Variants in CCDC85A observed in about 807,000 individuals in gnomAD.
CCDC85A encodes the protein coiled-coil domain-containing protein 85A.
Under a neutral mutation model 50.2 loss-of-function variants are expected in CCDC85A, and 38 were observed. That is an observed-to-expected ratio of 0.76 (90% confidence interval 0.58 to 0.99). The LOEUF (loss-of-function observed/expected upper bound fraction) is 0.99. Among genes scored for constraint, CCDC85A ranks in the 50% least tolerant of loss-of-function variants. CCDC85A has a pLI of 0.00. For missense variants in CCDC85A, 820 were observed against 742.0 expected, an observed-to-expected ratio of 1.11 and a Z score of -1.22; for synonymous variants, 366 against 301.4, an observed-to-expected ratio of 1.21 and a Z score of -2.22.
chr2:56,285,430 C>T (rs572921946), intron 2 of CCDC85A, among the ~76,000 whole-genome samples: 13 of 144,342 alleles, frequency 9.0e-5, no homozygotes, highest in African/African-American at 1.8e-4. Flanking sequence ...ATGTTCTTAT[C>T]GATTAATTAT....
At chr2:56,193,676 G>A (rs1345951008) in intron 2 of CCDC85A, among the ~76,000 whole-genome samples, 1 of 152,128 alleles carries the variant, frequency 6.6e-6, no homozygotes, top group African/African-American at 2.4e-5. Flanking sequence ...GTTTATGGGA[G>A]GGAGAGGAAC....
intron 2 of CCDC85A, among the ~76,000 whole-genome samples, chr2:56,242,848 G>T (rs7588401): frequency 0.57 from 85,735 of 151,714 alleles, 24,703 homozygotes; most frequent in African/African-American, 0.66. Flanking sequence ...CAGTCCAGTG[G>T]CCTGGAGAAT....
chr2:56,358,242 A>G (rs1280253667), intron 3 of CCDC85A, among the ~76,000 whole-genome samples: 2 of 152,198 alleles, frequency 1.3e-5, no homozygotes, highest in Non-Finnish European at 2.9e-5. Flanking sequence ...TTTAGTTTCT[A>G]GTCCATCTGT....
At chr2:56,311,848 A>T (rs1187962141) in intron 2 of CCDC85A, among the ~76,000 whole-genome samples, 1 of 152,076 alleles carries the variant, frequency 6.6e-6, no homozygotes, top group African/African-American at 2.4e-5. Flanking sequence ...TCTGCTCCTC[A>T]AAGGGTTGTC....
chr2:56,295,480 C>G (rs1374852352), intron 2 of CCDC85A, among the ~76,000 whole-genome samples: 3 of 152,124 alleles, frequency 2.0e-5, no homozygotes, highest in African/African-American at 7.2e-5. Flanking sequence ...TGTAGCAAAT[C>G]AGCTTCCGCA....
chr2:56,261,254 A>G (rs1359566413), intron 2 of CCDC85A, among the ~76,000 whole-genome samples: 1 of 152,204 alleles, frequency 6.6e-6, no homozygotes, highest in East Asian at 1.9e-4. Flanking sequence ...ACTATACCTT[A>G]TAGAGAGAAA....
At chr2:56,368,777 T>C (rs1319455207) in intron 3 of CCDC85A, among the ~76,000 whole-genome samples, 1 of 151,178 alleles carries the variant, frequency 6.6e-6, no homozygotes, top group Non-Finnish European at 1.5e-5. Context: ...AATGTGAGTT[T>C]TAGTCAATTG....
intron 2 of CCDC85A, among the ~76,000 whole-genome samples, chr2:56,221,249 A>G (rs1391701246): frequency 6.6e-6 from 1 of 152,088 alleles, no homozygotes; most frequent in Non-Finnish European, 1.5e-5. Context: ...CTGCCAATGC[A>G]TTTTGGTCTC....
At chr2:56,211,332 T>C (rs1266063103) in intron 2 of CCDC85A, among the ~76,000 whole-genome samples, 1 of 152,106 alleles carries the variant, frequency 6.6e-6, no homozygotes, top group Admixed American at 6.5e-5. Flanking sequence ...TATTTGCACT[T>C]GCAGAAATAT....
chr2:56,255,085 A>G (rs1167704731), intron 2 of CCDC85A, among the ~76,000 whole-genome samples: 1 of 152,134 alleles, frequency 6.6e-6, no homozygotes, highest in Non-Finnish European at 1.5e-5. Context: ...AGGAGAAAAC[A>G]TGGACTTATC....
chr2:56,331,558 C>A (rs1323614171), intron 2 of CCDC85A, among the ~76,000 whole-genome samples: 2 of 152,090 alleles, frequency 1.3e-5, no homozygotes, highest in South Asian at 4.1e-4. Flanking sequence ...AAACTATTTG[C>A]TTTGGGAAGA....
At chr2:56,360,563 C>A (rs949659493) in intron 3 of CCDC85A, among the ~76,000 whole-genome samples, 1 of 152,134 alleles carries the variant, frequency 6.6e-6, no homozygotes, top group Non-Finnish European at 1.5e-5. Context: ...TTTTGCCTTT[C>A]CTAAAGCTTT....
intron 2 of CCDC85A, among the ~76,000 whole-genome samples, chr2:56,216,321 A>G (rs1305074291): frequency 6.6e-6 from 1 of 151,772 alleles, no homozygotes; most frequent in Non-Finnish European, 1.5e-5. Flanking sequence ...ATTCCAGATT[A>G]CATTCTCACT....
intron 5 of CCDC85A, among the ~76,000 whole-genome samples, chr2:56,378,686 G>A (rs905625340): frequency 3.9e-5 from 6 of 152,122 alleles, no homozygotes; most frequent in Non-Finnish European, 8.8e-5. Flanking sequence ...TTACAGGATC[G>A]AACTCTAGTT....
intron 2 of CCDC85A, among the ~76,000 whole-genome samples, chr2:56,249,068 A>G (rs1669635054): frequency 6.6e-6 from 1 of 152,248 alleles, no homozygotes; most frequent in South Asian, 2.1e-4. Context: ...CCAGGAATAA[A>G]TAGCAGGACC....
At chr2:56,267,061 G>C (rs975055458) in intron 2 of CCDC85A, among the ~76,000 whole-genome samples, 2 of 152,112 alleles carry the variant, frequency 1.3e-5, no homozygotes, top group South Asian at 4.2e-4. Flanking sequence ...ATACAATGTA[G>C]GGATAGTGTT....
chr2:56,367,328 G>GTGGC (rs1046480632), intron 3 of CCDC85A, among the ~76,000 whole-genome samples: 1 of 152,146 alleles, frequency 6.6e-6, no homozygotes, highest in African/African-American at 2.4e-5. Flanking sequence ...GGGTGGAAAT[G>GTGGC]TGGCTGCCTT....
At chr2:56,188,933 G>A (rs1343095326) in intron 1 of CCDC85A, among the ~76,000 whole-genome samples, 1 of 152,230 alleles carries the variant, frequency 6.6e-6, no homozygotes, top group Non-Finnish European at 1.5e-5. Flanking sequence ...CAGAAGCTAA[G>A]ATGTCCACAT....
chr2:56,273,713 A>G (rs1026588427), intron 2 of CCDC85A, among the ~76,000 whole-genome samples: 1 of 150,870 alleles, frequency 6.6e-6, no homozygotes, highest in Non-Finnish European at 1.5e-5. Context: ...TATATATCAC[A>G]CTAGAGAAAG....
Sources: gnomAD v4.1 joint callset for allele counts (sites outside exome capture counted in the v4.1 genomes callset) on GRCh38, gnomAD v4.1.1 for gene constraint, MANE v1.5 for transcripts, NCBI Gene and HGNC (gene_info 2026-07-23, HGNC 2026-07-21) for gene names.